Variants in UXS1 observed in about 807,000 individuals in gnomAD.
The protein encoded by UXS1 is UDP-glucuronic acid decarboxylase 1.
A neutral mutation model predicts 62.6 loss-of-function variants in UXS1; 33 were observed. The observed-to-expected ratio is 0.53, with a 90% CI of 0.40 to 0.70. The LOEUF (loss-of-function observed/expected upper bound fraction) is 0.70, where lower values mean the gene tolerates loss of function less well. Among genes scored for constraint, UXS1 ranks in the 30% least tolerant of loss-of-function variants. UXS1 has a pLI of 0.00. For synonymous variants in UXS1, 213 were observed against 206.8 expected (o/e 1.03, Z -0.26); for missense variants, 434 against 556.3 (o/e 0.78, Z 2.21).
chr2:106,101,752 G>T (rs1159494933), intron 11 of UXS1: 1 of 152,270 alleles, frequency 6.6e-6, no homozygotes, highest in East Asian at 1.9e-4. Flanking sequence ...CAAATGGATT[G>T]TGATCAACTA....
intron 12 of UXS1, 51 bp from the exon 13 acceptor site, chr2:106,098,824 CCA>C (rs1394236019): frequency 6.5e-6 from 10 of 1,542,210 alleles, no homozygotes; most frequent in Non-Finnish European, 8.9e-6. Context: ...CAGCAGCAAT[CCA>C]CCACCCAGAC....
At chr2:106,104,258 C>A (rs1005376812) in intron 11 of UXS1, among the ~76,000 whole-genome samples, 1 of 152,180 alleles carries the variant, frequency 6.6e-6, no homozygotes, top group Non-Finnish European at 1.5e-5. Flanking sequence ...CGGAATGGAA[C>A]AACAGAACAG....
intron 1 of UXS1, among the ~76,000 whole-genome samples, chr2:106,189,614 C>T (rs1684792753): frequency 6.6e-6 from 1 of 152,116 alleles, no homozygotes; most frequent in African/African-American, 2.4e-5. Flanking sequence ...GAAGGGAGGG[C>T]AATCCTACCA....
intron 10 of UXS1, among the ~76,000 whole-genome samples, chr2:106,111,613 T>C (rs2104880414): frequency 6.6e-6 from 1 of 152,208 alleles, no homozygotes; most frequent in South Asian, 2.1e-4. Flanking sequence ...GGGCAACTCA[T>C]ATAACCTCTG....
At position 106,191,113 on chromosome 2, in the gene UXS1, C is replaced by T. The variant is rs148715250; in HGVS notation, c.94+3035G>A. On this transcript the variant is annotated intron_variant, in intron 1 of 14. Coordinates refer to ENST00000283148, the MANE Select transcript of UXS1 (RefSeq NM_001253875.2). The stretch of plus-strand genomic sequence containing the variant: ...AATGCAAGTTAGCAGGTGGTCAACC[C>T]TAAGACATGAAGAAGAGTTATGTGG... 8.1e-3 allele frequency among the ~76,000 whole-genome samples: 1,230 copies of T among 152,180 alleles called. 12 individuals carry two copies. Among genetic ancestry groups the T allele is most frequent in the Non-Finnish European group, 9.1e-3 (622 of 67,994 alleles).
Position 106,181,772 on chromosome 2 carries a change from T to G in UXS1, c.94+12376A>C, listed in dbSNP as rs1451593627. ...ATACTAGTTAAGAAGAAAAAGTAAA[T>G]TCAGACTTCTCACCACGACTTTTAG... On this transcript the variant is annotated intron_variant, in intron 1 of 14. Coordinates refer to ENST00000283148, the MANE Select transcript of UXS1 (RefSeq NM_001253875.2). 2.0e-5 allele frequency among the ~76,000 whole-genome samples: 3 copies of G among 152,114 alleles called. No individual in the cohort carries two copies. The East Asian group carries it at 5.8e-4, about 29-fold the overall frequency.
intron 10 of UXS1, among the ~76,000 whole-genome samples, chr2:106,111,918 G>A (rs1344981750): frequency 3.9e-5 from 6 of 152,142 alleles, no homozygotes; most frequent in African/African-American, 9.7e-5. Context: ...AGACAACCAC[G>A]AAGAGGAGTG....
intron 1 of UXS1, among the ~76,000 whole-genome samples, chr2:106,175,104 C>A (rs1283143631): frequency 6.6e-6 from 1 of 152,176 alleles, no homozygotes; most frequent in Non-Finnish European, 1.5e-5. Flanking sequence ...GAAAGATGCC[C>A]CCCATTTCAG....
intron 5 of UXS1, among the ~76,000 whole-genome samples, chr2:106,156,966 C>T (rs898781036): frequency 1.3e-5 from 2 of 152,114 alleles, no homozygotes; most frequent in Non-Finnish European, 2.9e-5. Context: ...AACCTGAAAA[C>T]ATACTAAGTG....
At chr2:106,188,388 T>G (rs1368611246) in intron 1 of UXS1, among the ~76,000 whole-genome samples, 2 of 152,192 alleles carry the variant, frequency 1.3e-5, no homozygotes, top group African/African-American at 4.8e-5. Flanking sequence ...GGGCCAGGCC[T>G]GGAGCATCTG....
intron 6 of UXS1, among the ~76,000 whole-genome samples, chr2:106,142,990 T>C (rs1000337136): frequency 6.6e-6 from 1 of 151,994 alleles, no homozygotes; most frequent in Admixed American, 6.5e-5. Context: ...CTAGAGCAGC[T>C]TTGGTATCAA....
Position 106,194,216 on chromosome 2 carries a change from A to T in UXS1, c.26T>A (p.Leu9His). 1 of 1,454,296 alleles carries T rather than the reference A, an allele frequency of 6.9e-7. No homozygotes were observed. The highest frequency in any genetic ancestry group is 9.1e-7 in the Non-Finnish European group (1 of 1,098,888). 90.1% of individuals were successfully genotyped at this position (1,454,296 alleles called of 1,614,324 possible). Residue 9 changes from leucine to histidine, a missense_variant, in exon 1 of 15, where the codon CTC becomes CAC. Leu to His is a moderately conservative substitution (Grantham distance 99, BLOSUM62 -3). Coordinates refer to ENST00000283148, the MANE Select transcript of UXS1 (RefSeq NM_001253875.2). The stretch of plus-strand genomic sequence containing the variant: ...CCTCCTGCGGTTGACGGCAGACACG[A>T]GGCGCAGCAGCGCCTTGCTCACCAT... MVSKALLR[L>H]VSAVNRRRMK...
At chr2:106,143,272 G>C (rs539919437) in intron 6 of UXS1, among the ~76,000 whole-genome samples, 189 of 151,700 alleles carry the variant, frequency 1.2e-3, no homozygotes, top group African/African-American at 4.1e-3. Context: ...AGCCCAGCAT[G>C]GTGGCAAGTG....
chr2:106,123,615 A>G, intron 8 of UXS1, among the ~76,000 whole-genome samples: 1 of 152,166 alleles, frequency 6.6e-6, no homozygotes, highest in East Asian at 1.9e-4. Context: ...GCCCCTGGCA[A>G]ATGGGTGCCT....
chr2:106,094,285 C>T, intron 14 of UXS1, 128 bp from the exon 15 acceptor site: 1 of 1,071,990 alleles, frequency 9.3e-7, no homozygotes, highest in Non-Finnish European at 1.3e-6. Context: ...CAGAGGAACA[C>T]TCACAGAACC....
intron 14 of UXS1, among the ~76,000 whole-genome samples, chr2:106,094,608 G>A (rs1201712534): frequency 6.6e-6 from 1 of 152,198 alleles, no homozygotes; most frequent in Admixed American, 6.5e-5. Flanking sequence ...ATTCTCCCAC[G>A]TGACATCAAC....
intron 7 of UXS1, among the ~76,000 whole-genome samples, chr2:106,127,668 C>T (rs1420656222): frequency 6.6e-6 from 1 of 152,110 alleles, no homozygotes; most frequent in Admixed American, 6.6e-5. Context: ...AGGAAAAAGC[C>T]AGGCAAAGTT....
intron 2 of UXS1, among the ~76,000 whole-genome samples, chr2:106,165,270 T>C (rs946101108): frequency 6.6e-6 from 1 of 152,138 alleles, no homozygotes; most frequent in Non-Finnish European, 1.5e-5. Context: ...GTGGTAGGAA[T>C]CAAATCGACA....
chr2:106,123,516 G>C (rs542258569), intron 8 of UXS1, among the ~76,000 whole-genome samples: 2 of 152,206 alleles, frequency 1.3e-5, no homozygotes, highest in South Asian at 4.1e-4. Context: ...GGAACATGAT[G>C]ACTTTGACAT....
Sources: gnomAD v4.1 joint callset for allele counts (sites outside exome capture counted in the v4.1 genomes callset) on GRCh38, gnomAD v4.1.1 for gene constraint, MANE v1.5 for transcripts, NCBI Gene and HGNC (gene_info 2026-07-23, HGNC 2026-07-21) for gene names.